The following GALNTL5 variants were observed in gnomAD, a reference collection of about 807,000 sequenced individuals.
GALNTL5 encodes the protein inactive polypeptide N-acetylgalactosaminyltransferase-like protein 5.
A neutral mutation model predicts 51.0 loss-of-function variants in GALNTL5; 44 were observed. The ratio of observed to expected loss-of-function variants is 0.86; its 90% CI spans 0.68 to 1.11. The LOEUF is 1.11. GALNTL5 is among the 50% of genes least tolerant of loss of function. The pLI, the probability that GALNTL5 is intolerant of heterozygous loss-of-function variation, is 0.00. For missense variants in GALNTL5, 528 were observed against 531.8 expected (o/e 0.99, Z 0.07); for synonymous variants, 192 against 182.8 (o/e 1.05, Z -0.41).
At chr7:152,007,413 C>CCT (rs2081659136) in intron 6 of GALNTL5, among the ~76,000 whole-genome samples, 2 of 109,954 alleles carry the variant, frequency 1.8e-5, no homozygotes, top group African/African-American at 6.8e-5. Context: ...AATGTTTTCT[C>CCT]TTTTTTTTTT....
At chr7:151,992,786 A>AT (rs910737152) in intron 5 of GALNTL5, among the ~76,000 whole-genome samples, 1 of 151,894 alleles carries the variant, frequency 6.6e-6, no homozygotes. Flanking sequence ...GGGGAGTCTT[A>AT]TTTTTTTTAT....
chr7:151,971,104 TA>T, intron 3 of GALNTL5, 39 bp downstream of exon 3: 1 of 1,123,582 alleles, frequency 8.9e-7, no homozygotes, highest in Non-Finnish European at 1.3e-6. Context: ...TCTAGATAGA[TA>T]GATAGATAGA....
intron 1 of GALNTL5, among the ~76,000 whole-genome samples, chr7:151,958,288 CTG>C (rs2080949745): frequency 6.6e-6 from 1 of 152,242 alleles, no homozygotes; most frequent in Admixed American, 6.5e-5. Context: ...ACACACCACT[CTG>C]TGCTTAGCCC....
rs568886686 is a variant in GALNTL5, at chr7:152,001,711, A to G, written c.659-1003A>G. 1.7e-4 allele frequency among the ~76,000 whole-genome samples: 26 copies of G among 152,308 alleles called. No individual in the cohort carries two copies. In the South Asian group the frequency reaches 5.4e-3, roughly 32 times the overall value. The stretch of plus-strand genomic sequence containing the variant: ...TTTTCAAAATTATTTTGGCTAATCT[A>G]GGTCCATTGCCTTTTCATATGACTT... On this transcript the variant is annotated intron_variant, in intron 5 of 8. Coordinates refer to ENST00000392800, the MANE Select transcript of GALNTL5 (RefSeq NM_145292.4).
At chr7:152,009,440 T>C (rs2081699655) in intron 7 of GALNTL5, among the ~76,000 whole-genome samples, 1 of 152,224 alleles carries the variant, frequency 6.6e-6, no homozygotes, top group Non-Finnish European at 1.5e-5. Flanking sequence ...TAGGACAATA[T>C]TCCTGGTTTG....
At chr7:151,982,170 T>C (rs1394644249) in intron 3 of GALNTL5, among the ~76,000 whole-genome samples, 1 of 152,064 alleles carries the variant, frequency 6.6e-6, no homozygotes, top group East Asian at 1.9e-4. Context: ...CCCAACACTT[T>C]GGGAGGCTGA....
intron 3 of GALNTL5, among the ~76,000 whole-genome samples, chr7:151,976,462 A>C (rs543662688): frequency 1.8e-4 from 28 of 151,966 alleles, no homozygotes; most frequent in African/African-American, 6.0e-4. Context: ...TTTGGTTTCC[A>C]TTTGCATGAA....
chr7:151,966,187 T>G (rs2081056906), intron 1 of GALNTL5, among the ~76,000 whole-genome samples: 1 of 152,156 alleles, frequency 6.6e-6, no homozygotes, highest in Non-Finnish European at 1.5e-5. Context: ...TTTCCATCAT[T>G]GAAAGAGTAG....
At position 151,988,888 on chromosome 7, in the gene GALNTL5, C is replaced by T. The variant is rs374863080; in HGVS notation, c.658+1607C>T. Among the ~76,000 whole-genome samples, 59 of 151,898 alleles carry T rather than the reference C, an allele frequency of 3.9e-4. 1 individual carries two copies. Among genetic ancestry groups the T allele is most frequent in the African/African-American group, 1.3e-3 (52 of 41,428 alleles). The stretch of plus-strand genomic sequence containing the variant: ...CTAATTTTTGTACTTCTAGTAGAGA[C>T]GGGGTTTTGCCATGTTGGCCAGGCT... On this transcript the variant is annotated intron_variant, in intron 5 of 8. Transcript: ENST00000392800.
intron 1 of GALNTL5, among the ~76,000 whole-genome samples, chr7:151,961,194 C>T (rs929651223): frequency 6.7e-6 from 1 of 150,364 alleles, no homozygotes; most frequent in Non-Finnish European, 1.5e-5. Context: ...CACCAACTCA[C>T]AAACAAAACA....
intron 3 of GALNTL5, among the ~76,000 whole-genome samples, chr7:151,980,315 C>G (rs2081263097): frequency 6.6e-6 from 1 of 152,208 alleles, no homozygotes; most frequent in South Asian, 2.1e-4. Flanking sequence ...AACCCCTAAC[C>G]TCAGGTGATC....
chr7:152,012,602 T>G (rs1432912654), intron 7 of GALNTL5, among the ~76,000 whole-genome samples: 1 of 152,224 alleles, frequency 6.6e-6, no homozygotes. Flanking sequence ...TAAAGACACA[T>G]GCATGCCTAT....
rs1158517832 is a variant in GALNTL5, at chr7:152,007,945, G to A, written c.1026+1G>A. On this transcript the variant is annotated splice_donor_variant, in intron 7 of 8. Coordinates refer to ENST00000392800, the MANE Select transcript of GALNTL5 (RefSeq NM_145292.4). LOFTEE classifies it high-confidence loss of function. ...AGAAAATTTGGAACTTTCACTAAGG[G>A]TAATTCAGATTTCATTTTTAAAATA... The A allele has an allele frequency of 1.4e-6, 2 of 1,434,986 alleles. No homozygotes were observed. The highest frequency in any genetic ancestry group is 9.8e-7 in the Non-Finnish European group (1 of 1,018,644). 88.9% of individuals were successfully genotyped at this position (1,434,986 alleles called of 1,614,324 possible).
rs547217340 is a variant in GALNTL5, at chr7:152,014,613, T to A, written c.1027-31T>A. ...GTTGCCTGTTAGCAGTAATAATGCA[T>A]TCGTATGTTTTTTGTTCTTCTTATG... On this transcript the variant is annotated intron_variant, in intron 7 of 8. Transcript: ENST00000392800. 3.8e-6 allele frequency: 6 copies of A among 1,576,638 alleles called. No homozygotes were observed. In the South Asian group the frequency reaches 6.0e-5, roughly 16 times the overall value.
intron 1 of GALNTL5, among the ~76,000 whole-genome samples, chr7:151,964,212 C>T (rs2081028898): frequency 6.6e-6 from 1 of 152,204 alleles, no homozygotes; most frequent in Admixed American, 6.5e-5. Flanking sequence ...TGGGCCCACC[C>T]TGTGACCTCA....
At chr7:151,968,724 T>G (rs912911305) in intron 2 of GALNTL5, among the ~76,000 whole-genome samples, 2 of 152,250 alleles carry the variant, frequency 1.3e-5, no homozygotes, top group African/African-American at 4.8e-5. Flanking sequence ...TTCCCCAAAG[T>G]AGCTGGGCCA....
In GALNTL5 at chr7:152,006,110, ACCAGGAAATCTGGTTCCCTGGAGGC is replaced by A. The variant is rs566675274; in HGVS notation, c.909-1711_909-1687del. Among the ~76,000 whole-genome samples the A allele has an allele frequency of 1.3e-3, 196 of 152,294 alleles. 1 individual carries two copies. The highest frequency in any genetic ancestry group is 4.5e-3 in the African/African-American group (189 of 41,560). Reference sequence around the variant, plus strand: ...GAGCAACCAGGGAGGGAGGAGAAGGACCAGGAAATCTGGTTCCCTGGAGGCCCAGGGAGGCATGTGTGTCCAAGAG... The same window carrying A: ...GAGCAACCAGGGAGGGAGGAGAAGGACCAGGGAGGCATGTGTGTCCAAGAG... On this transcript the variant is annotated intron_variant, in intron 6 of 8. Coordinates refer to ENST00000392800, the MANE Select transcript of GALNTL5 (RefSeq NM_145292.4).
At chr7:151,991,168 C>T (rs1385770399) in intron 5 of GALNTL5, among the ~76,000 whole-genome samples, 1 of 152,138 alleles carries the variant, frequency 6.6e-6, no homozygotes, top group African/African-American at 2.4e-5. Flanking sequence ...TCTCGGCTCA[C>T]TGCAACCTCA....
Position 151,987,233 on chromosome 7 carries a change from A to T in GALNTL5, c.610A>T (p.Arg204Ter). The change falls in exon 5 of 9, where the codon AGA (arginine) becomes TGA (stop). Residue 204 changes from arginine (R) to a stop codon, truncating the protein, a stop_gained. Transcript: ENST00000392800. LOFTEE classifies it high-confidence loss of function. Reference sequence around the variant, plus strand: ...GGTTAAAATAATAAGAAACAAAAAGAGAGAGGGGCTGATTCGAGCAAGGCT... The same window carrying T: ...GGTTAAAATAATAAGAAACAAAAAGTGAGAGGGGCTGATTCGAGCAAGGCT... ...GKVKIIRNKK[R>*]EGLIRARLIG... The T allele has an allele frequency of 6.2e-7, 1 of 1,601,186 alleles. No individual in the cohort carries two copies. Among genetic ancestry groups the T allele is most frequent in the Non-Finnish European group, 8.5e-7 (1 of 1,175,976 alleles).
Sources: gnomAD v4.1 joint callset for allele counts (sites outside exome capture counted in the v4.1 genomes callset) on GRCh38, gnomAD v4.1.1 for gene constraint, MANE v1.5 for transcripts, NCBI Gene and HGNC (gene_info 2026-07-23, HGNC 2026-07-21) for gene names.